Variants in ORC3 observed in about 807,000 individuals in gnomAD.
ORC3 encodes origin recognition complex subunit 3.
A neutral mutation model predicts 100.7 loss-of-function variants in ORC3; 78 were observed. The ratio of observed to expected loss-of-function variants is 0.77; its 90% CI spans 0.65 to 0.94. The LOEUF is 0.94. ORC3 is among the 40% of genes least tolerant of loss of function. The pLI, the probability that ORC3 is intolerant of heterozygous loss-of-function variation, is 0.00. For synonymous variants in ORC3, 295 were observed against 289.3 expected (o/e 1.02, Z -0.20); for missense variants, 789 against 823.9 (o/e 0.96, Z 0.52).
rs1350162756 is a variant in ORC3, at chr6:87,609,140, C to A, written c.624C>A (p.Ser208Arg). 1 of 1,609,000 alleles carries A rather than the reference C, an allele frequency of 6.2e-7. No homozygotes were observed. The highest frequency in any genetic ancestry group is 8.5e-7 in the Non-Finnish European group (1 of 1,178,630). The change falls in exon 7 of 20, where the codon AGC (serine) becomes AGA (arginine). Residue 208 changes from serine (S) to arginine (R), a missense_variant. Physicochemically the swap from Ser to Arg is moderately radical, Grantham distance 110. This residue lies in a region of ORC3 where 399 missense variants were observed against 382.0 expected (regional missense o/e 1.04). Transcript: ENST00000392844. ...TAAGCAAAAAAAGGACTACTTCTAG[C>A]CAATGGCAGTCTCCTCCTGTTGTCG... ...KMLSKKRTTSSQWQSPPVVVI... is the reference protein window; with the variant it reads ...KMLSKKRTTSRQWQSPPVVVI...
chr6:87,612,292 A>C (rs781434171), intron 8 of ORC3, 44 bp downstream of exon 8: 8 of 1,380,022 alleles, frequency 5.8e-6, no homozygotes. Flanking sequence ...TGAAAAGAAA[A>C]CTGCCAATAA....
chr6:87,613,683 G>T (rs949099034), intron 8 of ORC3, among the ~76,000 whole-genome samples: 2 of 152,142 alleles, frequency 1.3e-5, no homozygotes, highest in Admixed American at 1.3e-4. Flanking sequence ...GGGAGAAATT[G>T]GCCAAAACAA....
intron 1 of ORC3, among the ~76,000 whole-genome samples, chr6:87,592,822 A>G (rs1287690348): frequency 6.6e-6 from 1 of 152,134 alleles, no homozygotes; most frequent in Admixed American, 6.5e-5. Flanking sequence ...GGCCGGGTGC[A>G]GTGGCTCATG....
intron 4 of ORC3, among the ~76,000 whole-genome samples, chr6:87,604,967 G>A (rs1583018605): frequency 6.6e-6 from 1 of 152,192 alleles, no homozygotes; most frequent in South Asian, 2.1e-4. Context: ...GGCTGCTGCT[G>A]TTATCTGCCT....
downstream of ORC3, among the ~76,000 whole-genome samples, chr6:87,671,377 AAAG>A (rs1336366544): frequency 6.6e-6 from 1 of 152,178 alleles, no homozygotes; most frequent in African/African-American, 2.4e-5. Flanking sequence ...GCCTAGAAAC[AAAG>A]AATGGAGTGG....
At chr6:87,601,916 C>T (rs1381397024) in intron 3 of ORC3, 35 bp downstream of exon 3, 5 of 1,181,034 alleles carry the variant, frequency 4.2e-6, no homozygotes, top group Non-Finnish European at 6.4e-6. Context: ...CTGTAACACC[C>T]TAAGTCTCAT....
At chr6:87,630,271 C>T (rs973184188) in intron 11 of ORC3, among the ~76,000 whole-genome samples, 7 of 152,004 alleles carry the variant, frequency 4.6e-5, no homozygotes, top group African/African-American at 1.2e-4. Flanking sequence ...GTGGTGTGCA[C>T]CTATATATAG....
At chr6:87,650,306 G>A (rs142839153) in intron 13 of ORC3, among the ~76,000 whole-genome samples, 78 of 151,984 alleles carry the variant, frequency 5.1e-4, no homozygotes, top group African/African-American at 1.5e-3. Context: ...TCTTCCCATC[G>A]GCCTCCCAAA....
intron 13 of ORC3, among the ~76,000 whole-genome samples, chr6:87,640,424 T>A (rs952019098): frequency 6.6e-6 from 1 of 152,254 alleles, no homozygotes; most frequent in African/African-American, 2.4e-5. Flanking sequence ...TATATGCCAT[T>A]ATTTGACATG....
the ORC3 span, chr6:87,675,738 T>C: frequency 6.9e-7 from 1 of 1,446,820 alleles, no homozygotes; most frequent in Non-Finnish European, 9.6e-7. Context: ...GCTGCCTATT[T>C]CCTCCATACA....
intron 9 of ORC3, among the ~76,000 whole-genome samples, chr6:87,620,366 G>A (rs1307380542): frequency 1.3e-5 from 2 of 152,346 alleles, no homozygotes; most frequent in East Asian, 3.9e-4. Context: ...TTGTTTCTAA[G>A]TTAGGCAGGC....
intron 13 of ORC3, among the ~76,000 whole-genome samples, chr6:87,646,186 C>CT (rs529232172): frequency 1.1e-3 from 174 of 152,010 alleles, no homozygotes; most frequent in African/African-American, 4.0e-3. Context: ...TGGGGTTTCA[C>CT]TGTGTTAGCC....
At chr6:87,627,246 G>T (rs189727821) in intron 11 of ORC3, among the ~76,000 whole-genome samples, 2 of 146,882 alleles carry the variant, frequency 1.4e-5, no homozygotes, top group Non-Finnish European at 3.0e-5. Flanking sequence ...TAATCCACCC[G>T]CCTCGGCCCC....
chr6:87,665,524 T>G (rs1451617012), intron 18 of ORC3, among the ~76,000 whole-genome samples: 2 of 150,926 alleles, frequency 1.3e-5, no homozygotes, highest in East Asian at 3.8e-4. Context: ...TAGCTTCGTT[T>G]CTTTTCTCTG....
intron 2 of ORC3, among the ~76,000 whole-genome samples, chr6:87,597,188 A>G (rs917182930): frequency 1.3e-5 from 2 of 152,240 alleles, no homozygotes; most frequent in African/African-American, 4.8e-5. Flanking sequence ...CATGTTTCAT[A>G]TACACCTTAA....
intron 14 of ORC3, among the ~76,000 whole-genome samples, chr6:87,656,132 T>TA (rs1361479883): frequency 2.0e-5 from 3 of 152,208 alleles, no homozygotes; most frequent in African/African-American, 7.2e-5. Context: ...TTCCCTTTGC[T>TA]AAAGAACCAT....
intron 2 of ORC3, 74 bp from the exon 3 acceptor site, chr6:87,601,710 A>T: frequency 2.3e-6 from 2 of 870,012 alleles, no homozygotes; most frequent in South Asian, 1.5e-5. Flanking sequence ...CTTACTGTGT[A>T]ACTTTGCACG....
chr6:87,605,611 C>T (rs1778273646), intron 4 of ORC3, among the ~76,000 whole-genome samples: 1 of 151,474 alleles, frequency 6.6e-6, no homozygotes, highest in Non-Finnish European at 1.5e-5. Context: ...GATTGAGCTG[C>T]TGCACTCCAG....
chr6:87,626,298 T>C (rs1045499844), intron 11 of ORC3, among the ~76,000 whole-genome samples: 1 of 152,212 alleles, frequency 6.6e-6, no homozygotes, highest in Non-Finnish European at 1.5e-5. Flanking sequence ...TTTCACGATA[T>C]TGATTCTTCC....
Sources: allele counts gnomAD v4.1 joint callset (sites outside exome capture counted in the v4.1 genomes callset), GRCh38; gene constraint gnomAD v4.1.1; regional missense constraint gnomAD v4.1.1; transcripts MANE v1.5; gene names NCBI Gene and HGNC (gene_info 2026-07-23, HGNC 2026-07-21).